ZEB2: variants seen among roughly 807,000 people sequenced by gnomAD.
The protein encoded by ZEB2 is zinc finger E-box-binding homeobox 2.
Under a neutral mutation model 99.9 loss-of-function variants are expected in ZEB2, and 6 were observed. That is an observed-to-expected ratio of 0.06 (90% CI 0.03 to 0.12). The LOEUF (loss-of-function observed/expected upper bound fraction) is 0.12. ZEB2 is among the 10% of genes least tolerant of loss of function. The probability of loss-of-function intolerance (pLI) is 1.00; values close to 1 mark genes in which losing one functional copy is unlikely to be tolerated. For synonymous variants in ZEB2, 517 were observed against 542.5 expected, an observed-to-expected ratio of 0.95 and a Z score of 0.65; for missense variants, 969 against 1,502.8, an observed-to-expected ratio of 0.64 and a Z score of 5.87.
chr2:144,513,147 C>A (rs1705070084), intron 2 of ZEB2: 1 of 1,285,864 alleles, frequency 7.8e-7, no homozygotes, highest in Non-Finnish European at 1.0e-6. Context: ...CTTTCCTTTT[C>A]ATTTAAGCAT....
chr2:144,390,075 A>G (rs929565670), intron 9 of ZEB2, 47 bp from the exon 10 acceptor site: 2 of 1,587,230 alleles, frequency 1.3e-6, no homozygotes, highest in African/African-American at 1.3e-5. Flanking sequence ...CTTTGCATGA[A>G]GTCTCTTTCC....
At chr2:144,395,269 G>T (rs1282579190) in intron 9 of ZEB2, among the ~76,000 whole-genome samples, 2 of 152,060 alleles carry the variant, frequency 1.3e-5, no homozygotes, top group Non-Finnish European at 2.9e-5. Context: ...AAAGTGCTGG[G>T]ATTACAGGCG....
chr2:144,474,623 T>G (rs1361433896), intron 2 of ZEB2, among the ~76,000 whole-genome samples: 1 of 152,220 alleles, frequency 6.6e-6, no homozygotes, highest in African/African-American at 2.4e-5. Flanking sequence ...AAAAGAGTAC[T>G]ACGTAATAAC....
chr2:144,396,389 CA>C, intron 9 of ZEB2, 22 bp downstream of exon 9: 1 of 1,612,416 alleles, frequency 6.2e-7, no homozygotes. Flanking sequence ...AAGCTCTAAC[CA>C]GTTAGGCAAA....
intron 2 of ZEB2, among the ~76,000 whole-genome samples, chr2:144,466,771 A>C (rs1704278306): frequency 6.6e-6 from 1 of 152,200 alleles, no homozygotes; most frequent in African/African-American, 2.4e-5. Flanking sequence ...GTGTTGCAGC[A>C]ATGCACTCCA....
At chr2:144,511,668 G>A (rs1233275362) in intron 2 of ZEB2, 4 of 1,287,142 alleles carry the variant, frequency 3.1e-6, no homozygotes, top group Middle Eastern at 3.3e-4. Context: ...CATAAACAGA[G>A]CTATGTAAAT....
intron 3 of ZEB2, chr2:144,426,576 T>G (rs1156781643): frequency 1.3e-5 from 2 of 152,112 alleles, no homozygotes; most frequent in African/African-American, 4.8e-5. Context: ...TGTCATTTTC[T>G]TATGAAAAAG....
At chr2:144,506,585 G>A (rs964857189) in intron 2 of ZEB2, among the ~76,000 whole-genome samples, 2 of 152,118 alleles carry the variant, frequency 1.3e-5, no homozygotes, top group Admixed American at 6.5e-5. Flanking sequence ...CTTGATTACA[G>A]TTACTTGGAT....
At chr2:144,456,698 C>G (rs913104488) in intron 2 of ZEB2, among the ~76,000 whole-genome samples, 8 of 152,100 alleles carry the variant, frequency 5.3e-5, no homozygotes, top group Non-Finnish European at 1.2e-4. Flanking sequence ...TTAGTAAAAA[C>G]AACCCCTTGG....
At chr2:144,464,731 T>C (rs559111710) in intron 2 of ZEB2, among the ~76,000 whole-genome samples, 2 of 152,292 alleles carry the variant, frequency 1.3e-5, no homozygotes, top group South Asian at 4.1e-4. Flanking sequence ...ACCAGTGACA[T>C]CTTCTCAAAT....
At chr2:144,464,816 A>G (rs1704249052) in intron 2 of ZEB2, among the ~76,000 whole-genome samples, 2 of 152,236 alleles carry the variant, frequency 1.3e-5, no homozygotes, top group South Asian at 4.1e-4. Flanking sequence ...CCTTTTACAT[A>G]CATTCCAGAC....
intron 2 of ZEB2, among the ~76,000 whole-genome samples, chr2:144,465,420 TG>T (rs1483019390): frequency 6.6e-6 from 1 of 152,174 alleles, no homozygotes; most frequent in Non-Finnish European, 1.5e-5. Flanking sequence ...GAGATCTTGA[TG>T]TGGTGGCAGC....
intron 2 of ZEB2, chr2:144,495,506 T>C (rs1704745873): frequency 6.6e-6 from 1 of 152,222 alleles, no homozygotes; most frequent in Admixed American, 6.5e-5. Flanking sequence ...TGTTTACATG[T>C]TCACATGTAG....
chr2:144,419,768 T>C (rs760543444), intron 4 of ZEB2, among the ~76,000 whole-genome samples: 12 of 152,212 alleles, frequency 7.9e-5, no homozygotes, highest in Non-Finnish European at 1.3e-4. Context: ...TGTGAAAGCA[T>C]TACAATTTTG....
chr2:144,488,508 A>G (rs1206130374), intron 2 of ZEB2, among the ~76,000 whole-genome samples: 2 of 152,230 alleles, frequency 1.3e-5, no homozygotes, highest in African/African-American at 4.8e-5. Context: ...TTGAAAGGCA[A>G]ACAGTATTTT....
At chr2:144,425,306 G>A (rs1703677410) in intron 3 of ZEB2, among the ~76,000 whole-genome samples, 1 of 152,188 alleles carries the variant, frequency 6.6e-6, no homozygotes, top group South Asian at 2.1e-4. Flanking sequence ...TCCCCTTGGG[G>A]TGGCTATAAT....
intron 2 of ZEB2, among the ~76,000 whole-genome samples, chr2:144,502,992 CTCTT>C (rs1311463685): frequency 2.0e-5 from 3 of 152,068 alleles, no homozygotes; most frequent in Non-Finnish European, 4.4e-5. Context: ...CACAAGGTAA[CTCTT>C]CCTTAGGAAT....
intron 2 of ZEB2, among the ~76,000 whole-genome samples, chr2:144,479,098 G>A (rs927520221): frequency 6.6e-6 from 1 of 152,106 alleles, no homozygotes; most frequent in African/African-American, 2.4e-5. Flanking sequence ...ACGTGTTTTT[G>A]TCAGGGATTG....
intron 8 of ZEB2, 134 bp from the exon 9 acceptor site, chr2:144,396,726 A>G: frequency 1.1e-6 from 1 of 910,998 alleles, no homozygotes. Flanking sequence ...TTTTTTTTCC[A>G]TGAACAATAT....
Sources: allele counts gnomAD v4.1 joint callset (sites outside exome capture counted in the v4.1 genomes callset), GRCh38; gene constraint gnomAD v4.1.1; transcripts MANE v1.5; gene names NCBI Gene and HGNC (gene_info 2026-07-23, HGNC 2026-07-21).